Variants in GRIA4 observed in about 807,000 individuals in gnomAD.
GRIA4 encodes the protein glutamate receptor 4.
A neutral mutation model predicts 104.0 loss-of-function variants in GRIA4; 34 were observed. That is an observed-to-expected ratio of 0.33 (90% CI 0.25 to 0.44). The LOEUF (loss-of-function observed/expected upper bound fraction) is 0.44, where lower values mean the gene tolerates loss of function less well. Ranked by LOEUF, GRIA4 falls within the 20% of genes least tolerant of loss-of-function variation. The probability of loss-of-function intolerance (pLI) is 1.00; values close to 1 mark genes in which losing one functional copy is unlikely to be tolerated. For missense variants in GRIA4, 750 were observed against 1,096.5 expected (o/e 0.68, Z 4.46); for synonymous variants, 386 against 381.9 (o/e 1.01, Z -0.13).
chr11:105,663,626 T>C (rs1373441325), intron 3 of GRIA4, among the ~76,000 whole-genome samples: 1 of 151,890 alleles, frequency 6.6e-6, no homozygotes, highest in East Asian at 1.9e-4. Context: ...AGGAACTAGA[T>C]GATGATGTGG....
chr11:105,939,034 A>G (rs1213572902), intron 14 of GRIA4, among the ~76,000 whole-genome samples: 1 of 152,098 alleles, frequency 6.6e-6, no homozygotes, highest in African/African-American at 2.4e-5. Flanking sequence ...AAGGAAACAA[A>G]CGTTGCTTTT....
intron 3 of GRIA4, among the ~76,000 whole-genome samples, chr11:105,678,250 G>T (rs373724587): frequency 6.6e-6 from 1 of 151,982 alleles, no homozygotes; most frequent in Non-Finnish European, 1.5e-5. Context: ...CAAAGTTGAC[G>T]TGGGGGCCCA....
intron 4 of GRIA4, among the ~76,000 whole-genome samples, chr11:105,794,473 G>GTATGTGTATATA (rs1360490604): frequency 2.3e-5 from 1 of 43,884 alleles, no homozygotes; most frequent in East Asian, 7.1e-4. Context: ...GTATATGTAT[G>GTATGTGTATATA]TATATATATA....
At chr11:105,832,139 G>C (rs2135935710) in intron 4 of GRIA4, among the ~76,000 whole-genome samples, 1 of 152,044 alleles carries the variant, frequency 6.6e-6, no homozygotes, top group East Asian at 2.0e-4. Context: ...CAATAACCCT[G>C]CAATGTATGC....
At chr11:105,650,515 A>G (rs1235810840) in intron 3 of GRIA4, among the ~76,000 whole-genome samples, 3 of 152,166 alleles carry the variant, frequency 2.0e-5, no homozygotes, top group Admixed American at 1.3e-4. Flanking sequence ...AAATGTTTCC[A>G]TGATTGAAAA....
intron 3 of GRIA4, among the ~76,000 whole-genome samples, chr11:105,656,409 A>C (rs1015786234): frequency 1.7e-4 from 18 of 108,772 alleles, no homozygotes; most frequent in Admixed American, 6.6e-4. Context: ...ACCTAAACCA[A>C]TAAAAAAACC....
At chr11:105,837,456 A>T (rs1258684021) in intron 4 of GRIA4, among the ~76,000 whole-genome samples, 1 of 152,176 alleles carries the variant, frequency 6.6e-6, no homozygotes, top group Admixed American at 6.6e-5. Flanking sequence ...ATTACTGAAG[A>T]AAGAATAAGG....
intron 3 of GRIA4, among the ~76,000 whole-genome samples, chr11:105,703,442 C>G (rs1178114066): frequency 6.6e-6 from 1 of 151,840 alleles, no homozygotes; most frequent in Non-Finnish European, 1.5e-5. Context: ...ATTTATGTAG[C>G]CATAAAAACG....
At chr11:105,716,796 G>A (rs1954105775) in intron 3 of GRIA4, among the ~76,000 whole-genome samples, 1 of 151,966 alleles carries the variant, frequency 6.6e-6, no homozygotes, top group African/African-American at 2.4e-5. Flanking sequence ...TAAAAGTGGG[G>A]AATGATCAAA....
chr11:105,689,218 T>C (rs1025702823), intron 3 of GRIA4, among the ~76,000 whole-genome samples: 2 of 152,102 alleles, frequency 1.3e-5, no homozygotes, highest in African/African-American at 4.8e-5. Flanking sequence ...TTTGGTGAAA[T>C]TGGAGAAAGT....
At chr11:105,834,931 T>C (rs1011673803) in intron 4 of GRIA4, among the ~76,000 whole-genome samples, 1 of 152,032 alleles carries the variant, frequency 6.6e-6, no homozygotes, top group Admixed American at 6.6e-5. Context: ...TTCATTAGTA[T>C]AGTGTATTTG....
intron 6 of GRIA4, among the ~76,000 whole-genome samples, chr11:105,892,641 G>A (rs947526845): frequency 3.3e-5 from 5 of 152,070 alleles, no homozygotes; most frequent in African/African-American, 1.2e-4. Flanking sequence ...GACGTGCAGT[G>A]ACCCTAGTTA....
intron 3 of GRIA4, among the ~76,000 whole-genome samples, chr11:105,722,462 T>C (rs920924366): frequency 3.9e-5 from 6 of 152,104 alleles, no homozygotes; most frequent in Non-Finnish European, 8.8e-5. Context: ...CAATTGTAAG[T>C]AGAGAAGCAT....
At chr11:105,752,238 T>C (rs1565517338) in intron 3 of GRIA4, among the ~76,000 whole-genome samples, 1 of 152,190 alleles carries the variant, frequency 6.6e-6, no homozygotes, top group Non-Finnish European at 1.5e-5. Flanking sequence ...CCTGTTTCTC[T>C]GGGGTCCTCT....
chr11:105,895,550 T>C (rs1032370417), intron 6 of GRIA4, among the ~76,000 whole-genome samples: 1 of 150,618 alleles, frequency 6.6e-6, no homozygotes, highest in Non-Finnish European at 1.5e-5. Flanking sequence ...TGGACAGATA[T>C]AGATACATAC....
chr11:105,855,831 C>T (rs1944989985), intron 4 of GRIA4, among the ~76,000 whole-genome samples: 1 of 151,990 alleles, frequency 6.6e-6, no homozygotes, highest in Non-Finnish European at 1.5e-5. Context: ...GTTTCTCAGA[C>T]CTCTGTCATA....
chr11:105,726,744 G>A (rs1207452671), intron 3 of GRIA4, among the ~76,000 whole-genome samples: 2 of 152,080 alleles, frequency 1.3e-5, no homozygotes, highest in African/African-American at 4.8e-5. Context: ...AGCAAACAGG[G>A]TCTGGAATGG....
At chr11:105,688,054 G>T (rs1591563196) in intron 3 of GRIA4, among the ~76,000 whole-genome samples, 1 of 151,794 alleles carries the variant, frequency 6.6e-6, no homozygotes, top group Non-Finnish European at 1.5e-5. Flanking sequence ...AAGAAACTAG[G>T]TAGTCCTCCT....
At chr11:105,876,542 G>A (rs1945828550) in intron 5 of GRIA4, among the ~76,000 whole-genome samples, 1 of 152,068 alleles carries the variant, frequency 6.6e-6, no homozygotes, top group South Asian at 2.1e-4. Flanking sequence ...TTATTGTGTG[G>A]GAGTCGAGGT....
Sources: allele counts gnomAD v4.1 joint callset (sites outside exome capture counted in the v4.1 genomes callset), GRCh38; gene constraint gnomAD v4.1.1; transcripts MANE v1.5; gene names NCBI Gene and HGNC (gene_info 2026-07-23, HGNC 2026-07-21).